ABCA10: variants seen among roughly 807,000 people sequenced by gnomAD.
The protein encoded by ABCA10 is ATP binding cassette subfamily A member 10.
Under a neutral mutation model 187.5 loss-of-function variants are expected in ABCA10, and 169 were observed. The ratio of observed to expected loss-of-function variants is 0.90; its 90% CI spans 0.80 to 1.02. The LOEUF (loss-of-function observed/expected upper bound fraction) is 1.02, where lower values mean the gene tolerates loss of function less well. Among genes scored for constraint, ABCA10 ranks in the 50% least tolerant of loss-of-function variants. ABCA10 has a pLI of 0.00. For missense variants in ABCA10, 1,727 were observed against 1,812.4 expected (o/e 0.95, Z 0.86); for synonymous variants, 574 against 601.8 (o/e 0.95, Z 0.68).
intron 22 of ABCA10, among the ~76,000 whole-genome samples, chr17:69,177,255 C>T (rs1220289260): frequency 6.6e-6 from 1 of 152,150 alleles, no homozygotes; most frequent in East Asian, 1.9e-4. Context: ...TCCTAAGCTA[C>T]AAAATTGTCT....
intron 19 of ABCA10, 44 bp downstream of exon 19, chr17:69,187,637 T>G: frequency 6.6e-7 from 1 of 1,525,088 alleles, no homozygotes; most frequent in Admixed American, 2.0e-5. Context: ...TTGAATGTTT[T>G]TTCATATACT....
chr17:69,185,201 A>G (rs1170954874), intron 20 of ABCA10, among the ~76,000 whole-genome samples: 2 of 152,176 alleles, frequency 1.3e-5, no homozygotes, highest in Non-Finnish European at 2.9e-5. Context: ...TGTAGTGTAC[A>G]CTGCTCAGGT....
chr17:69,225,165 C>A lies in ABCA10; in HGVS notation c.34+160G>T, dbSNP rs112194140. On this transcript the variant is annotated intron_variant, in intron 3 of 38. Transcript: ENST00000690296. ...AATCATTTCATCTGTTGCCCACCTA[C>A]CCTTAGCTTCACACCAACCCCTGTA... Among the ~76,000 whole-genome samples, 1,100 of 152,132 alleles carry A rather than the reference C, an allele frequency of 7.2e-3. 14 individuals carry two copies. The highest frequency in any genetic ancestry group is 0.025 in the African/African-American group (1,042 of 41,530).
Position 69,214,419 on chromosome 17 carries a change from G to A in ABCA10, c.1006+285C>T, listed in dbSNP as rs988411617. On this transcript the variant is annotated intron_variant, in intron 9 of 38. Transcript: ENST00000690296. Reference sequence around the variant, plus strand: ...AGTCCCAGCTACTTGGGAGGCTGAGGCAGGAGAATGGCGTGAACCCGGGAG... The same window carrying A: ...AGTCCCAGCTACTTGGGAGGCTGAGACAGGAGAATGGCGTGAACCCGGGAG... Among the ~76,000 whole-genome samples, 46 of 151,090 alleles carry A rather than the reference G, an allele frequency of 3.0e-4. No individual in the cohort carries two copies. The East Asian group carries it at 8.4e-3, about 27-fold the overall frequency.
chr17:69,197,274 C>A, intron 10 of ABCA10, 152 bp from the exon 11 acceptor site: 2 of 538,286 alleles, frequency 3.7e-6, no homozygotes, highest in South Asian at 6.5e-5. Flanking sequence ...CCCCTGACCA[C>A]TCCCAAAAGA....
At chr17:69,204,827 T>C (rs546132539) in intron 9 of ABCA10, among the ~76,000 whole-genome samples, 4 of 152,324 alleles carry the variant, frequency 2.6e-5, no homozygotes, top group East Asian at 1.9e-4. Flanking sequence ...ATTTGAAAGA[T>C]GCTTATAAAA....
Position 69,182,266 on chromosome 17 carries a change from T to G in ABCA10, c.2656A>C (p.Asn886His), listed in dbSNP as rs756869801. ...GGAAAACAATTCAATTTCTTGGTATTACACGCAACAGAAAATCTGTAATCC... is the reference window on the plus strand; with the variant it reads ...GGAAAACAATTCAATTTCTTGGTATGACACGCAACAGAAAATCTGTAATCC... ...QKDYRFSVAC[N>H]TKKLNCFPVL... Residue 886 changes from asparagine to histidine, a missense_variant, in exon 22 of 39, where the codon AAT becomes CAT. Coordinates refer to ENST00000690296, the MANE Select transcript of ABCA10 (RefSeq NM_001377321.1). The G allele has an allele frequency of 6.4e-6, 10 of 1,571,486 alleles. No individual in the cohort carries two copies. Among genetic ancestry groups the G allele is most frequent in the Non-Finnish European group, 8.6e-6 (10 of 1,158,852 alleles).
intron 25 of ABCA10, among the ~76,000 whole-genome samples, chr17:69,171,519 C>G (rs1266354868): frequency 6.6e-6 from 1 of 152,114 alleles, no homozygotes; most frequent in Non-Finnish European, 1.5e-5. Context: ...AATATTATCT[C>G]AGTAGAGACT....
intron 9 of ABCA10, among the ~76,000 whole-genome samples, chr17:69,206,761 T>A (rs2074594813): frequency 6.6e-6 from 1 of 152,090 alleles, no homozygotes; most frequent in Non-Finnish European, 1.5e-5. Flanking sequence ...TGTACAAAAA[T>A]CAACTCAAAA....
chr17:69,199,589 T>C (rs2074529145), intron 10 of ABCA10, among the ~76,000 whole-genome samples: 1 of 152,190 alleles, frequency 6.6e-6, no homozygotes, highest in Admixed American at 6.5e-5. Context: ...ACTCAATTCA[T>C]ATTAATGTCA....
intron 22 of ABCA10, among the ~76,000 whole-genome samples, chr17:69,180,233 T>C (rs114788927): frequency 1.4e-3 from 208 of 152,266 alleles, no homozygotes; most frequent in African/African-American, 4.6e-3. Context: ...GCCATAATGG[T>C]AACAAACGGT....
chr17:69,199,691 A>C (rs11077408), intron 10 of ABCA10, among the ~76,000 whole-genome samples: 84,761 of 152,096 alleles, frequency 0.56, 25,210 homozygotes, highest in Non-Finnish European at 0.67. Context: ...CCATACAACA[A>C]CACCCATCTC....
intron 22 of ABCA10, among the ~76,000 whole-genome samples, chr17:69,180,069 G>A (rs761301161): frequency 7.2e-5 from 11 of 152,076 alleles, no homozygotes; most frequent in Non-Finnish European, 1.5e-4. Context: ...ATGGTTGTGC[G>A]ATACATTAAA....
At chr17:69,211,333 A>G (rs921646623) in intron 9 of ABCA10, among the ~76,000 whole-genome samples, 12,871 of 111,410 alleles carry the variant, frequency 0.12, 936 homozygotes, top group Middle Eastern at 0.13. Context: ...ATATATATAT[A>G]TATATATATA....
At position 69,150,032 on chromosome 17, in the gene ABCA10, C is replaced by T. The variant is rs146584632; in HGVS notation, c.4429G>A (p.Val1477Met). ...YSSLMAYKLP[V>M]EDVHPLSRAF... ...CGAGATAGAGGGTGGACATCCTCCACAGGTAACTTATACGCCATTAAAGAG... is the reference window on the plus strand; with the variant it reads ...CGAGATAGAGGGTGGACATCCTCCATAGGTAACTTATACGCCATTAAAGAG... The change falls in exon 37 of 39, where the codon GTG becomes ATG. Residue 1477 changes from valine to methionine, a missense_variant. By Grantham distance (21) the Val-to-Met change is conservative (BLOSUM62 1). Transcript: ENST00000690296. The T allele has an allele frequency of 3.1e-6, 5 of 1,613,120 alleles. No individual in the cohort carries two copies. Among genetic ancestry groups the T allele is most frequent in the Non-Finnish European group, 2.5e-6 (3 of 1,179,458 alleles).
At chr17:69,184,261 G>A (rs920527315) in intron 20 of ABCA10, among the ~76,000 whole-genome samples, 6 of 151,914 alleles carry the variant, frequency 3.9e-5, no homozygotes, top group African/African-American at 1.2e-4. Flanking sequence ...TTCTCCACCC[G>A]CCCTGGTAAA....
intron 1 of ABCA10, among the ~76,000 whole-genome samples, chr17:69,235,201 A>G (rs922341326): frequency 6.6e-6 from 1 of 152,178 alleles, no homozygotes; most frequent in African/African-American, 2.4e-5. Flanking sequence ...TTTACTTTCA[A>G]TATTAGAGAT....
At chr17:69,226,111 G>A (rs777059314) in intron 2 of ABCA10, among the ~76,000 whole-genome samples, 13 of 152,024 alleles carry the variant, frequency 8.6e-5, no homozygotes, top group Non-Finnish European at 1.9e-4. Flanking sequence ...TTTTAATTTT[G>A]TGTAGTGGGA....
At position 69,219,610 on chromosome 17, in the gene ABCA10, A is replaced by G. The variant is rs148613665; in HGVS notation, c.465T>C (p.Val155=). The G allele has an allele frequency of 2.5e-6, 4 of 1,610,740 alleles. No homozygotes were observed. The African/African-American group carries it at 4.0e-5, about 16-fold the overall frequency. Residue 155 remains valine, a synonymous_variant, in exon 6 of 39, where the codon GTT becomes GTC. Transcript: ENST00000690296. ...SSFIYFASLN[V]ARERGKFKKL... The stretch of plus-strand genomic sequence containing the variant: ...TCTTAAATTTTCCTCTTTCCCTTGC[A>G]ACATTTAATGATGCAAAGTATATAA...
Sources: allele counts gnomAD v4.1 joint callset (sites outside exome capture counted in the v4.1 genomes callset), GRCh38; gene constraint gnomAD v4.1.1; transcripts MANE v1.5; gene names NCBI Gene and HGNC (gene_info 2026-07-23, HGNC 2026-07-21).